The following NIPSNAP2 variants were observed in gnomAD, a reference collection of about 807,000 sequenced individuals.
The protein encoded by NIPSNAP2 is protein NipSnap homolog 2.
NIPSNAP2 carries 42 observed loss-of-function variants against 48.4 expected under a neutral mutation model. That is an observed-to-expected ratio of 0.87 (90% CI 0.68 to 1.12). NIPSNAP2 has a LOEUF of 1.12. Among genes scored for constraint, NIPSNAP2 ranks in the 50% most tolerant of loss-of-function variants. The pLI is 0.00. For missense variants in NIPSNAP2, 314 were observed against 347.3 expected (o/e 0.90, Z 0.76); for synonymous variants, 158 against 126.6 (o/e 1.25, Z -1.67).
intron 9 of NIPSNAP2, 138 bp downstream of exon 9, chr7:55,997,587 A>G (rs935566444): frequency 4.9e-6 from 3 of 612,350 alleles, no homozygotes; most frequent in Non-Finnish European, 8.6e-6. Context: ...GGGAAGGGAG[A>G]TAGTCAATTT....
At chr7:55,983,562 T>C (rs1205491283) in intron 5 of NIPSNAP2, among the ~76,000 whole-genome samples, 166 bp from the exon 6 acceptor site, 1 of 152,234 alleles carries the variant, frequency 6.6e-6, no homozygotes, top group Non-Finnish European at 1.5e-5. Flanking sequence ...AAAGGAATGC[T>C]GTTAATGATT....
At chr7:55,983,637 T>G (rs1366044204) in intron 5 of NIPSNAP2, 91 bp from the exon 6 acceptor site, 11 of 1,341,562 alleles carry the variant, frequency 8.2e-6, no homozygotes, top group Middle Eastern at 4.2e-4. Flanking sequence ...GATTACCCTA[T>G]TATAGTATTC....
intron 1 of NIPSNAP2, chr7:55,965,018 C>G (rs1786860721): frequency 6.2e-6 from 1 of 160,364 alleles, no homozygotes. Context: ...CGGCGCGACC[C>G]GTGGCCAGGG....
chr7:55,965,877 G>A (rs928153685), intron 1 of NIPSNAP2, among the ~76,000 whole-genome samples: 1 of 152,186 alleles, frequency 6.6e-6, no homozygotes, highest in Non-Finnish European at 1.5e-5. Context: ...CACCAGGCGC[G>A]GCCTGATCTT....
chr7:55,981,599 C>A (rs941891868), intron 4 of NIPSNAP2, 32 bp downstream of exon 4: 5 of 1,434,914 alleles, frequency 3.5e-6, no homozygotes, highest in South Asian at 1.2e-5. Context: ...ATAAACACTT[C>A]TTCCTTAAGC....
chr7:55,982,982 G>A (rs1480912635), intron 5 of NIPSNAP2, among the ~76,000 whole-genome samples: 1 of 151,936 alleles, frequency 6.6e-6, no homozygotes, highest in Non-Finnish European at 1.5e-5. Flanking sequence ...AATTAGCCGA[G>A]CATGGTGGTG....
chr7:55,977,626 G>T (rs1787129594), intron 1 of NIPSNAP2, among the ~76,000 whole-genome samples: 1 of 152,038 alleles, frequency 6.6e-6, no homozygotes, highest in Non-Finnish European at 1.5e-5. Context: ...TTTTTAAATT[G>T]TGGCAAAATG....
At chr7:55,983,312 G>A (rs1315170025) in intron 5 of NIPSNAP2, among the ~76,000 whole-genome samples, 2 of 152,172 alleles carry the variant, frequency 1.3e-5, no homozygotes, top group African/African-American at 2.4e-5. Flanking sequence ...TCAATAGGGA[G>A]AAATTTAAAA....
chr7:55,973,773 C>A (rs1332695843), intron 1 of NIPSNAP2, among the ~76,000 whole-genome samples: 1 of 152,070 alleles, frequency 6.6e-6, no homozygotes, highest in East Asian at 1.9e-4. Flanking sequence ...GCGTGAGCCA[C>A]CACTCCCGGC....
intron 9 of NIPSNAP2, among the ~76,000 whole-genome samples, chr7:55,998,074 C>T (rs1239522852): frequency 6.6e-6 from 1 of 152,080 alleles, no homozygotes; most frequent in Non-Finnish European, 1.5e-5. Context: ...AATCCCAGCA[C>T]TTTGGGAGGC....
intron 7 of NIPSNAP2, among the ~76,000 whole-genome samples, chr7:55,988,170 G>A (rs7784730): frequency 0.14 from 21,758 of 151,928 alleles, 1,725 homozygotes; most frequent in Non-Finnish European, 0.18. Flanking sequence ...GCTGAGGCAC[G>A]AGAATCACTT....
rs1416759610 is a variant in NIPSNAP2 at position 55,973,578 on chromosome 7, G to A, written c.93-4548G>A. On this transcript the variant is annotated intron_variant, in intron 1 of 9. Transcript: ENST00000322090. ...CAATCTCCACCTCCTGGGTTCAAGC[G>A]ATTCTCCTACCTCAGCCTCCTGAGT... Among the ~76,000 whole-genome samples the A allele has an allele frequency of 2.6e-5, 4 of 151,818 alleles. No individual in the cohort carries two copies. In the East Asian group the frequency reaches 5.8e-4, roughly 22 times the overall value.
chr7:55,998,140 T>G (rs961196776), intron 9 of NIPSNAP2, among the ~76,000 whole-genome samples: 43 of 151,812 alleles, frequency 2.8e-4, no homozygotes, highest in African/African-American at 1.0e-3. Context: ...ACGAACATGA[T>G]GAAACCTGTC....
intron 9 of NIPSNAP2, among the ~76,000 whole-genome samples, chr7:55,997,969 C>A (rs149509554): frequency 2.0e-4 from 31 of 152,240 alleles, no homozygotes; most frequent in African/African-American, 6.7e-4. Context: ...AAACAGTTGG[C>A]TGAATGTAAC....
At chr7:55,986,983 T>TAAAA (rs71561981) in intron 7 of NIPSNAP2, among the ~76,000 whole-genome samples, 4 of 54,784 alleles carry the variant, frequency 7.3e-5, no homozygotes, top group Non-Finnish European at 9.7e-5. Flanking sequence ...CCTGTCTCTA[T>TAAAA]AAAAAAAAAA....
intron 7 of NIPSNAP2, among the ~76,000 whole-genome samples, chr7:55,985,896 AG>A (rs1205543880): frequency 6.6e-6 from 1 of 151,930 alleles, no homozygotes; most frequent in African/African-American, 2.4e-5. Flanking sequence ...GAAAATATAA[AG>A]ATTAGCCGAG....
At chr7:55,972,760 T>C (rs1357197698) in intron 1 of NIPSNAP2, among the ~76,000 whole-genome samples, 1 of 152,140 alleles carries the variant, frequency 6.6e-6, no homozygotes, top group Non-Finnish European at 1.5e-5. Context: ...TCCCTAAATG[T>C]AGTGTACGTA....
chr7:55,974,268 GAAAGA>G (rs1562762430), intron 1 of NIPSNAP2, among the ~76,000 whole-genome samples: 2 of 89,198 alleles, frequency 2.2e-5, no homozygotes, highest in Non-Finnish European at 5.1e-5. Flanking sequence ...CAAAAAAAAA[GAAAGA>G]AAGAAAGAAA....
At chr7:55,992,293 G>C (rs1584350984) in intron 7 of NIPSNAP2, among the ~76,000 whole-genome samples, 1 of 152,022 alleles carries the variant, frequency 6.6e-6, no homozygotes, top group African/African-American at 2.4e-5. Flanking sequence ...AAGCAACATA[G>C]CAAGGCCCCA....
Sources: gnomAD v4.1 joint callset for allele counts (sites outside exome capture counted in the v4.1 genomes callset) on GRCh38, gnomAD v4.1.1 for gene constraint, MANE v1.5 for transcripts, NCBI Gene and HGNC (gene_info 2026-07-23, HGNC 2026-07-21) for gene names.